Variants in ATP12A observed in about 807,000 individuals in gnomAD.
ATP12A encodes the protein ATPase H+/K+ transporting non-gastric alpha2 subunit.
A neutral mutation model predicts 111.2 loss-of-function variants in ATP12A; 81 were observed. That is an observed-to-expected ratio of 0.73 (90% CI 0.61 to 0.88). The LOEUF is 0.88. Among genes scored for constraint, ATP12A ranks in the 40% least tolerant of loss-of-function variants. ATP12A has a pLI of 0.00. For synonymous variants in ATP12A, 498 were observed against 499.8 expected (o/e 1.00, Z 0.05); for missense variants, 1,196 against 1,313.1 (o/e 0.91, Z 1.38).
At chr13:24,706,782 A>G (rs1189206448) in intron 15 of ATP12A, among the ~76,000 whole-genome samples, 1 of 152,240 alleles carries the variant, frequency 6.6e-6, no homozygotes, top group Non-Finnish European at 1.5e-5. Flanking sequence ...AAAAAATGTG[A>G]AGACATAAGA....
intron 8 of ATP12A, among the ~76,000 whole-genome samples, chr13:24,691,522 C>T (rs1352726751): frequency 1.3e-5 from 2 of 152,200 alleles, no homozygotes; most frequent in Non-Finnish European, 2.9e-5. Flanking sequence ...CTAGATAAGA[C>T]AGACTCCACC....
In ATP12A at chr13:24,690,394, G is replaced by T. The variant is rs1201643317; in HGVS notation, c.603G>T (p.Val201=). Residue 201 remains valine, a synonymous_variant, in exon 6 of 23, where the codon GTG becomes GTT. Transcript: ENST00000381946. ...EKKTIPSEQL[V]VGDIVEVKGG... is the part of the protein sequence containing the mutation. The stretch of plus-strand genomic sequence containing the variant: ...AGACCATCCCTTCAGAGCAGCTGGT[G>T]GTGGGGGACATTGTGGAGGTCAAAG... The T allele has an allele frequency of 6.2e-7, 1 of 1,613,392 alleles. No homozygotes were observed. Among genetic ancestry groups the T allele is most frequent in the Non-Finnish European group, 8.5e-7 (1 of 1,179,930 alleles).
rs1350527942 is a variant in ATP12A at position 24,692,413 on chromosome 13, T to C, written c.1069-16T>C. The C allele has an allele frequency of 6.2e-7, 1 of 1,612,242 alleles. No individual in the cohort carries two copies. Among genetic ancestry groups the C allele is most frequent in the Non-Finnish European group, 8.5e-7 (1 of 1,179,654 alleles). ...AATGAGGATTTTTCCCAAAGCGTCC[T>C]TCCCTCTCCTGCTAGGTGACCCTGT... On this transcript the variant is annotated splice_polypyrimidine_tract_variant and intron_variant, in intron 8 of 22. Coordinates refer to ENST00000381946, the MANE Select transcript of ATP12A (RefSeq NM_001676.7).
At chr13:24,706,779 G>A (rs568917477) in intron 15 of ATP12A, among the ~76,000 whole-genome samples, 1 of 152,336 alleles carries the variant, frequency 6.6e-6, no homozygotes, top group Admixed American at 6.5e-5. Context: ...AACAAAAAAT[G>A]TGAAGACATA....
In ATP12A at chr13:24,685,742, A is replaced by G. The variant is rs1270955204; in HGVS notation, c.228+369A>G. Among the ~76,000 whole-genome samples the G allele has an allele frequency of 6.6e-6, 1 of 152,224 alleles. No homozygotes were observed. The highest frequency in any genetic ancestry group is 1.5e-5 in the Non-Finnish European group (1 of 68,038). ...TGGGACAAAGGTGGATTCTGATGGA[A>G]GGGGCCAGAGCCAGCTCTCGGGCTG... is the stretch of plus-strand genomic sequence containing the variant. On this transcript the variant is annotated intron_variant, in intron 3 of 22. Transcript: ENST00000381946. This position sits in a 1 kb window ranked among gnomAD's most constrained non-coding sequence, Gnocchi z 5.5.
chr13:24,682,853 G>T (rs2137686624), intron 2 of ATP12A, among the ~76,000 whole-genome samples: 1 of 152,190 alleles, frequency 6.6e-6, no homozygotes, highest in Admixed American at 6.5e-5. Flanking sequence ...AATTTGCTGG[G>T]GTCTATGAGG....
At chr13:24,680,835 G>C (rs1176616650) in intron 1 of ATP12A, 83 bp downstream of exon 1, 3 of 1,412,142 alleles carry the variant, frequency 2.1e-6, no homozygotes, top group African/African-American at 1.5e-5. Context: ...CGGGAAGCGA[G>C]GAAAAGGCGA....
intron 2 of ATP12A, among the ~76,000 whole-genome samples, chr13:24,683,913 C>A (rs11619672): frequency 0.094 from 14,277 of 152,184 alleles, 779 homozygotes; most frequent in Non-Finnish European, 0.13. Flanking sequence ...GCCTCCCAAC[C>A]TTTCTTGGCA....
chr13:24,705,249 G>A (rs556704344), intron 14 of ATP12A, among the ~76,000 whole-genome samples: 10 of 152,336 alleles, frequency 6.6e-5, no homozygotes, highest in Admixed American at 5.9e-4. Flanking sequence ...CAGGGAGCGA[G>A]ACCCGTGAAG....
At chr13:24,686,843 C>A (rs1874692264) in intron 3 of ATP12A, among the ~76,000 whole-genome samples, 1 of 152,074 alleles carries the variant, frequency 6.6e-6, no homozygotes, top group Non-Finnish European at 1.5e-5. Flanking sequence ...TATTGAGCCC[C>A]TCATCTCGCT....
Position 24,707,247 on chromosome 13 carries a change from G to A in ATP12A, c.2339-32G>A, listed in dbSNP as rs747233824. The A allele has an allele frequency of 1.4e-5, 22 of 1,613,824 alleles. 1 individual carries two copies. The South Asian group carries it at 1.5e-4, about 11-fold the overall frequency. On this transcript the variant is annotated intron_variant, in intron 16 of 22. Transcript: ENST00000381946. The stretch of plus-strand genomic sequence containing the variant: ...GCCAGGGTGGTCTGGGGGACTAGAA[G>A]TAAGTTCTGAAGGAGAAACCTCTCT...
At chr13:24,705,344 A>T (rs946502104) in intron 14 of ATP12A, among the ~76,000 whole-genome samples, 14 of 152,226 alleles carry the variant, frequency 9.2e-5, no homozygotes, top group African/African-American at 2.9e-4. Flanking sequence ...GCGAAGCTTG[A>T]CAACGCAGGC....
chr13:24,688,571 G>A (rs758543220), intron 4 of ATP12A, 49 bp downstream of exon 4: 6 of 1,485,378 alleles, frequency 4.0e-6, no homozygotes, highest in Non-Finnish European at 4.5e-6. Flanking sequence ...GAGCCATCCA[G>A]TGAGGCCTTG....
At position 24,691,238 on chromosome 13, in the gene ATP12A, G is replaced by A; in HGVS notation, c.1056G>A (p.Leu352=). Residue 352 remains leucine, a synonymous_variant, in exon 8 of 23, where the codon CTG becomes CTA. Transcript: ENST00000381946. The part of the protein sequence containing the change: ...IIVANVPEGL[L]ATVTVTLSLT... ...TGGCCAATGTGCCCGAGGGCCTCCT[G>A]GCCACTGTCACTGTGAGTCCATGCT... 5 of 1,612,434 alleles carry A rather than the reference G, an allele frequency of 3.1e-6. No individual in the cohort carries two copies. The highest frequency in any genetic ancestry group is 4.2e-6 in the Non-Finnish European group (5 of 1,179,252).
intron 3 of ATP12A, 54 bp from the exon 4 acceptor site, chr13:24,688,265 A>C: frequency 3.3e-6 from 5 of 1,536,610 alleles, no homozygotes; most frequent in Non-Finnish European, 4.4e-6. Flanking sequence ...GGGAGGAGGA[A>C]TGTCTAATTC....
At chr13:24,710,316 G>A in intron 19 of ATP12A, 144 bp from the exon 20 acceptor site, 1 of 1,000,366 alleles carries the variant, frequency 1.0e-6, no homozygotes, top group South Asian at 1.8e-5. Flanking sequence ...AAAGAAAAAT[G>A]TTTCTTTCCA....
rs5802297 is a variant in ATP12A, at chr13:24,691,637, G to GAA, written c.1068+397_1068+398dup. ...GCCACACTCCACTTACCTCTCTTACGAAAAAAAAAAATTCCTCCCATTTTT... is the reference window on the plus strand; with the variant it reads ...GCCACACTCCACTTACCTCTCTTACGAAAAAAAAAAAAATTCCTCCCATTTTT... On this transcript the variant is annotated intron_variant, in intron 8 of 22. Coordinates refer to ENST00000381946, the MANE Select transcript of ATP12A (RefSeq NM_001676.7). 7.5e-4 allele frequency among the ~76,000 whole-genome samples: 111 copies of GAA among 148,842 alleles called. 1 individual carries two copies. The highest frequency in any genetic ancestry group is 2.4e-3 in the African/African-American group (97 of 40,628).
intron 3 of ATP12A, among the ~76,000 whole-genome samples, chr13:24,686,890 G>A (rs973785645): frequency 2.0e-5 from 3 of 152,080 alleles, no homozygotes; most frequent in East Asian, 3.9e-4. Context: ...AGAGCCGGTC[G>A]GGTGATGGGC....
In ATP12A at chr13:24,680,610, C is replaced by A. The variant is rs1874392224; in HGVS notation, c.-134C>A. On this transcript the variant is annotated 5_prime_UTR_variant, in exon 1 of 23. Transcript: ENST00000381946. ...GAGGTGCGTGCAGGGCCCGCGCCGC[C>A]GCCGGTATCTCCACCGCCAACACCT... The A allele has an allele frequency of 8.2e-6, 9 of 1,102,004 alleles. No homozygotes were observed. The Middle Eastern group carries it at 1.2e-3, about 144-fold the overall frequency. The allele number at this position is 1,102,004 out of a possible 1,614,324, so 68.3% of individuals were successfully genotyped here.
Sources: gnomAD v4.1 joint callset for allele counts (sites outside exome capture counted in the v4.1 genomes callset) on GRCh38, gnomAD v4.1.1 for gene constraint, Gnocchi (gnomAD v3.1) non-coding constraint, MANE v1.5 for transcripts, NCBI Gene and HGNC (gene_info 2026-07-23, HGNC 2026-07-21) for gene names.